Variants in GLP2R observed in about 807,000 individuals in gnomAD.
The protein encoded by GLP2R is glucagon like peptide 2 receptor.
GLP2R carries 59 observed loss-of-function variants against 68.2 expected under a neutral mutation model. The observed-to-expected ratio is 0.87, with a 90% CI of 0.70 to 1.07. The LOEUF (loss-of-function observed/expected upper bound fraction) is 1.07, where lower values mean the gene tolerates loss of function less well. Among genes scored for constraint, GLP2R ranks in the 50% least tolerant of loss-of-function variants. The pLI is 0.00. For missense variants in GLP2R, 548 were observed against 677.4 expected (o/e 0.81, Z 2.12); for synonymous variants, 270 against 265.4 (o/e 1.02, Z -0.17).
chr17:9,844,517 G>T (rs2066818335), intron 4 of GLP2R, among the ~76,000 whole-genome samples: 1 of 151,880 alleles, frequency 6.6e-6, no homozygotes, highest in African/African-American at 2.4e-5. Context: ...GGACCTGGCT[G>T]GTGCTGGAGG....
At chr17:9,888,149 C>T (rs1037853488) in intron 12 of GLP2R, among the ~76,000 whole-genome samples, 176 bp downstream of exon 12, 1 of 152,044 alleles carries the variant, frequency 6.6e-6, no homozygotes, top group Non-Finnish European at 1.5e-5. Flanking sequence ...GCAGCTTAGA[C>T]AAATGGAAAA....
At position 9,862,121 on chromosome 17, in the gene GLP2R, C is replaced by G. The variant is rs530124872; in HGVS notation, c.1056+31C>G. The stretch of plus-strand genomic sequence containing the variant: ...GACCATCCCATCCACCTCTTTGTCT[C>G]GGAGCCTAGCAGCTGTGGGGAATCC... On this transcript the variant is annotated intron_variant, in intron 9 of 12. Transcript: ENST00000262441. 2.0e-6 allele frequency: 3 copies of G among 1,522,846 alleles called. No homozygotes were observed. In the East Asian group the frequency reaches 6.8e-5, roughly 34 times the overall value. 94.3% of individuals were successfully genotyped at this position (1,522,846 alleles called of 1,614,324 possible).
chr17:9,833,670 G>A (rs1271013196), intron 1 of GLP2R, 137 bp from the exon 2 acceptor site: 1 of 613,242 alleles, frequency 1.6e-6, no homozygotes, highest in African/African-American at 1.9e-5. Context: ...AACATAAGAT[G>A]CTGAAGAAAT....
chr17:9,859,919 C>A, intron 6 of GLP2R, 23 bp from the exon 7 acceptor site: 3 of 1,580,940 alleles, frequency 1.9e-6, no homozygotes, highest in Non-Finnish European at 2.6e-6. Flanking sequence ...TGGACTCACC[C>A]TCAGGTGTTT....
intron 10 of GLP2R, among the ~76,000 whole-genome samples, chr17:9,878,391 C>T (rs1201035118): frequency 6.6e-6 from 1 of 152,220 alleles, no homozygotes; most frequent in African/African-American, 2.4e-5. Context: ...CAGTTACTAT[C>T]CATGGTCACC....
intron 10 of GLP2R, among the ~76,000 whole-genome samples, chr17:9,877,035 A>C (rs1018017873): frequency 6.6e-6 from 1 of 152,218 alleles, no homozygotes; most frequent in Non-Finnish European, 1.5e-5. Context: ...GAGAGGTTAA[A>C]TAATTTGCCC....
chr17:9,858,118 T>G (rs181822330), intron 6 of GLP2R, among the ~76,000 whole-genome samples: 42 of 152,356 alleles, frequency 2.8e-4, no homozygotes, highest in Admixed American at 2.6e-3. Flanking sequence ...TAGGCAAATA[T>G]TCCACCATTT....
intron 3 of GLP2R, among the ~76,000 whole-genome samples, chr17:9,838,148 T>C (rs1389344003): frequency 6.6e-6 from 1 of 152,198 alleles, no homozygotes; most frequent in Non-Finnish European, 1.5e-5. Flanking sequence ...TCAGGCACAG[T>C]ACCCCTGGGA....
intron 8 of GLP2R, 65 bp from the exon 9 acceptor site, chr17:9,861,956 G>A: frequency 9.2e-7 from 1 of 1,086,332 alleles, no homozygotes; most frequent in Non-Finnish European, 1.4e-6. Flanking sequence ...AGAGCATGAG[G>A]CTTTGACTTT....
At chr17:9,840,147 G>A (rs1340037685) in intron 3 of GLP2R, among the ~76,000 whole-genome samples, 1 of 151,924 alleles carries the variant, frequency 6.6e-6, no homozygotes, top group East Asian at 1.9e-4. Context: ...AAGCTAATTT[G>A]TGTATTTTTA....
At chr17:9,856,587 T>A (rs925094815) in intron 5 of GLP2R, among the ~76,000 whole-genome samples, 2 of 152,078 alleles carry the variant, frequency 1.3e-5, no homozygotes, top group African/African-American at 4.8e-5. Flanking sequence ...GAGCTAACAT[T>A]TTTCTGGACA....
Position 9,891,977 on chromosome 17 carries a change from A to T in GLP2R, c.*2272A>T, listed in dbSNP as rs577481055. 2 of 152,322 alleles carry T rather than the reference A, an allele frequency of 1.3e-5. No individual in the cohort carries two copies. Among genetic ancestry groups the T allele is most frequent in the African/African-American group, 4.8e-5 (2 of 41,576 alleles). The allele number at this position is 152,322 out of a possible 1,614,324, so 9.4% of individuals were successfully genotyped here. A position where few individuals can be genotyped will look rare whatever the true frequency, so the allele number is the denominator to read the frequency against. On this transcript the variant is annotated 3_prime_UTR_variant, in exon 13 of 13. Coordinates refer to ENST00000262441, the MANE Select transcript of GLP2R (RefSeq NM_004246.3). ...GTAAGTGATCCAGGACCTTACCGCT[A>T]AGAGGAGAAACTTTTTTTCAAAGCA... is the stretch of plus-strand genomic sequence containing the variant.
intron 11 of GLP2R, among the ~76,000 whole-genome samples, chr17:9,881,540 C>T (rs1273575514): frequency 3.4e-5 from 5 of 146,262 alleles, no homozygotes; most frequent in African/African-American, 8.2e-5. Flanking sequence ...GCCACTACGC[C>T]CGGCTAATTT....
At chr17:9,858,454 T>C (rs897081219) in intron 6 of GLP2R, among the ~76,000 whole-genome samples, 2 of 152,246 alleles carry the variant, frequency 1.3e-5, no homozygotes, top group African/African-American at 4.8e-5. Context: ...TGGCTTGTAA[T>C]GCCTTTGTCA....
chr17:9,844,120 T>TCGTG (rs1333182527), intron 4 of GLP2R, among the ~76,000 whole-genome samples: 2 of 152,054 alleles, frequency 1.3e-5, no homozygotes, highest in Non-Finnish European at 2.9e-5. Flanking sequence ...GTCAAAGAGC[T>TCGTG]CACGGGGCTC....
At chr17:9,864,431 C>A (rs1280391152) in intron 9 of GLP2R, among the ~76,000 whole-genome samples, 1 of 152,172 alleles carries the variant, frequency 6.6e-6, no homozygotes, top group African/African-American at 2.4e-5. Flanking sequence ...TACCCCAGAC[C>A]TATGACATTA....
In GLP2R at chr17:9,855,483, C is replaced by T. The variant is rs376365707; in HGVS notation, c.611+882C>T. ...ACCACAGCCCATTCCCACTACAACT[C>T]AATCAGAGGCATTCTTTTTACAGAA... On this transcript the variant is annotated intron_variant, in intron 5 of 12. Coordinates refer to ENST00000262441, the MANE Select transcript of GLP2R (RefSeq NM_004246.3). Among the ~76,000 whole-genome samples the T allele has an allele frequency of 7.2e-5, 11 of 152,306 alleles. No homozygotes were observed. In the South Asian group the frequency reaches 1.9e-3, roughly 26 times the overall value.
At chr17:9,836,580 T>G in intron 3 of GLP2R, 105 bp downstream of exon 3, 1 of 670,180 alleles carries the variant, frequency 1.5e-6, no homozygotes, top group Non-Finnish European at 2.7e-6. Flanking sequence ...ACATCTTCCT[T>G]CTGTAATTTT....
At chr17:9,882,760 C>A (rs1463353783) in intron 11 of GLP2R, among the ~76,000 whole-genome samples, 1 of 151,976 alleles carries the variant, frequency 6.6e-6, no homozygotes, top group Non-Finnish European at 1.5e-5. Context: ...AAATAAAAAC[C>A]AAAATTTTTT....
Sources: gnomAD v4.1 joint callset for allele counts (sites outside exome capture counted in the v4.1 genomes callset) on GRCh38, gnomAD v4.1.1 for gene constraint, MANE v1.5 for transcripts, NCBI Gene and HGNC (gene_info 2026-07-23, HGNC 2026-07-21) for gene names.